Variants in WDR86 observed in about 807,000 individuals in gnomAD.
The protein encoded by WDR86 is WD repeat domain 86.
Under a neutral mutation model 36.5 loss-of-function variants are expected in WDR86, and 30 were observed. The observed-to-expected ratio is 0.82, with a 90% CI of 0.61 to 1.11. WDR86 has a LOEUF of 1.11. WDR86 is among the 50% of genes most tolerant of loss of function. The pLI, the probability that WDR86 is intolerant of heterozygous loss-of-function variation, is 0.00. For missense variants in WDR86, 545 were observed against 561.2 expected (o/e 0.97, Z 0.29); for synonymous variants, 255 against 252.9 (o/e 1.01, Z -0.08).
Position 151,388,480 on chromosome 7 carries a change from GC to G in WDR86, c.727-3258del, listed in dbSNP as rs1799151315. Among the ~76,000 whole-genome samples the G allele has an allele frequency of 6.6e-6, 1 of 152,126 alleles. No individual in the cohort carries two copies. Among genetic ancestry groups the G allele is most frequent in the Non-Finnish European group, 1.5e-5 (1 of 68,014 alleles). ...AGCGCAGGGCCACCACAGACAGGGT[GC>G]CCCCTGGCTTTTTGACCTTGGGTTT... is the stretch of plus-strand genomic sequence containing the variant. On this transcript the variant is annotated intron_variant, in intron 3 of 5. Coordinates refer to ENST00000334493, the MANE Select transcript of WDR86 (RefSeq NM_198285.3). The surrounding 1 kb of genome is among the most constrained non-coding windows in gnomAD (Gnocchi z 4.2).
rs2150755872 is a variant in WDR86 at position 151,385,158 on chromosome 7, T to C, written c.792A>G (p.Thr264=). ...DRTVKCWLAD[T]GECVRTFTAH... ...CCGTGAACGTGCGCACACACTCCCC[T>C]GTGTCTGCCAGCCAGCACTTGACGG... The change falls in exon 4 of 6, where the codon ACA becomes ACG. Residue 264 remains threonine, a synonymous_variant. Coordinates refer to ENST00000334493, the MANE Select transcript of WDR86 (RefSeq NM_198285.3). The C allele has an allele frequency of 6.2e-7, 1 of 1,613,136 alleles. No individual in the cohort carries two copies. The highest frequency in any genetic ancestry group is 8.5e-7 in the Non-Finnish European group (1 of 1,179,842).
At chr7:151,383,009 GGGT>G (rs1798713755) in intron 4 of WDR86, among the ~76,000 whole-genome samples, 1 of 150,872 alleles carries the variant, frequency 6.6e-6, no homozygotes, top group Non-Finnish European at 1.5e-5. Flanking sequence ...CAGGGAGACA[GGGT>G]CTCACTCTGT....
At chr7:151,387,206 C>T (rs1428656109) in intron 3 of WDR86, among the ~76,000 whole-genome samples, 5 of 152,192 alleles carry the variant, frequency 3.3e-5, no homozygotes, top group Admixed American at 3.3e-4. Context: ...TGCAGCCCCA[C>T]ACCTCTGTGC....
intron 3 of WDR86, among the ~76,000 whole-genome samples, chr7:151,392,194 T>C (rs1020303597): frequency 9.9e-5 from 15 of 152,014 alleles, no homozygotes; most frequent in Non-Finnish European, 2.1e-4. Flanking sequence ...GCCCCCAGCC[T>C]ATGCTGCAGC....
Position 151,390,098 on chromosome 7 carries a change from C to T in WDR86, c.727-4875G>A, listed in dbSNP as rs929908894. Among the ~76,000 whole-genome samples the T allele has an allele frequency of 1.3e-5, 2 of 152,124 alleles. No individual in the cohort carries two copies. The highest frequency in any genetic ancestry group is 2.4e-5 in the African/African-American group (1 of 41,412). On this transcript the variant is annotated intron_variant, in intron 3 of 5. Transcript: ENST00000334493. The surrounding 1 kb of genome is among the most constrained non-coding windows in gnomAD (Gnocchi z 4.5). The stretch of plus-strand genomic sequence containing the variant: ...CCAAAAGGATCCAAATGCAAGAGAG[C>T]GTGGGGTGTAATGGCCAGCCCTGGT...
At chr7:151,402,070 A>AAAAAAAAAAGATATATATATATAT in intron 1 of WDR86, among the ~76,000 whole-genome samples, 1 of 50,558 alleles carries the variant, frequency 2.0e-5, no homozygotes, top group African/African-American at 1.2e-4. Context: ...AAAAAAAAAA[A>AAAAAAAAAAGATATATATATATAT]ATATATATAT....
downstream of WDR86, among the ~76,000 whole-genome samples, chr7:151,380,580 A>G (rs1369534917): frequency 6.6e-6 from 1 of 152,030 alleles, no homozygotes; most frequent in Admixed American, 6.5e-5. Context: ...AAGGGACTGA[A>G]GAGCACCCCG....
intron 1 of WDR86, among the ~76,000 whole-genome samples, chr7:151,400,675 G>A (rs62490304): frequency 0.026 from 4,015 of 152,308 alleles, 80 homozygotes; most frequent in Middle Eastern, 0.058. Flanking sequence ...GAGCCACTGC[G>A]CCCAGCCCTC....
intron 4 of WDR86, among the ~76,000 whole-genome samples, chr7:151,383,183 G>C (rs367794551): frequency 6.0e-5 from 9 of 150,354 alleles, no homozygotes; most frequent in South Asian, 2.2e-4. Context: ...CGGGGTGGGG[G>C]GGGGGAGCTG....
chr7:151,389,306 C>T (rs960749524), intron 3 of WDR86, among the ~76,000 whole-genome samples: 6 of 151,948 alleles, frequency 3.9e-5, no homozygotes, highest in Admixed American at 6.6e-5. Flanking sequence ...CAGGACTCTG[C>T]GAAACTGCAC....
At chr7:151,407,093 A>G (rs1800760586) in intron 1 of WDR86, among the ~76,000 whole-genome samples, 1 of 152,206 alleles carries the variant, frequency 6.6e-6, no homozygotes, top group African/African-American at 2.4e-5. Flanking sequence ...CCGTCCTTGA[A>G]AATTCCTGAA....
In WDR86 at chr7:151,393,973, C is replaced by T. The variant is rs11984401; in HGVS notation, c.726+1803G>A. Among the ~76,000 whole-genome samples, 1,483 of 152,268 alleles carry T rather than the reference C, an allele frequency of 9.7e-3. 36 individuals carry two copies. The highest frequency in any genetic ancestry group is 0.033 in the African/African-American group (1,381 of 41,544). On this transcript the variant is annotated intron_variant, in intron 3 of 5. Coordinates refer to ENST00000334493, the MANE Select transcript of WDR86 (RefSeq NM_198285.3). ...TTAAAAGGCACGCAAAAAACAGGTGCGAGCAGTGCACCCTGACCTTCCCTT... is the reference window on the plus strand; with the variant it reads ...TTAAAAGGCACGCAAAAAACAGGTGTGAGCAGTGCACCCTGACCTTCCCTT...
downstream of WDR86, among the ~76,000 whole-genome samples, chr7:151,380,351 T>A (rs886798438): frequency 6.6e-6 from 1 of 152,236 alleles, no homozygotes; most frequent in Non-Finnish European, 1.5e-5. Flanking sequence ...CCGTCTCTGA[T>A]GAAGTATCTT....
In WDR86 at chr7:151,409,043, CCA is replaced by C. The variant is rs1188132914; in HGVS notation, c.163+382_163+383del. On this transcript the variant is annotated intron_variant, in intron 1 of 5. Coordinates refer to ENST00000334493, the MANE Select transcript of WDR86 (RefSeq NM_198285.3). The surrounding 1 kb of genome is among the most constrained non-coding windows in gnomAD (Gnocchi z 5.2). ...AAGAGCACAATTGGCCACAAAGAGG[CCA>C]CAAGGCACCTAGAGACAAGGGAAGG... The C allele has an allele frequency of 2.0e-6, 1 of 501,126 alleles. No individual in the cohort carries two copies. The highest frequency in any genetic ancestry group is 1.5e-5 in the South Asian group (1 of 64,816). The allele number at this position is 501,126 out of a possible 1,614,324, so 31.0% of individuals were successfully genotyped here.
intron 3 of WDR86, among the ~76,000 whole-genome samples, chr7:151,387,408 G>A (rs1423612737): frequency 6.6e-6 from 1 of 152,170 alleles, no homozygotes; most frequent in Non-Finnish European, 1.5e-5. Flanking sequence ...AGCCACACAG[G>A]CCGAGGGGGC....
At chr7:151,396,543 G>T (rs1012297869) in intron 2 of WDR86, among the ~76,000 whole-genome samples, 1 of 147,380 alleles carries the variant, frequency 6.8e-6, no homozygotes, top group African/African-American at 2.7e-5. Flanking sequence ...GAAGCGGGTG[G>T]GGGGGAAGGT....
At position 151,381,918 on chromosome 7, in the gene WDR86, C is replaced by A. The variant is rs987309335; in HGVS notation, c.926G>T (p.Arg309Met). The part of the protein sequence containing the change: ...AFDAQSGELR[R>M]VFRGHTFIIN... ...GATGAATGTGTGGCCCCGGAACACC[C>A]TCCGCAGCTCTCCAGACTGCGCGTC... Residue 309 changes from arginine to methionine, a missense_variant, in exon 5 of 6, where the codon AGG becomes ATG. Transcript: ENST00000334493. The surrounding 1 kb of genome is among the most constrained non-coding windows in gnomAD (Gnocchi z 4.8). 2 of 1,610,362 alleles carry A rather than the reference C, an allele frequency of 1.2e-6. No homozygotes were observed. Among genetic ancestry groups the A allele is most frequent in the Admixed American group, 1.7e-5 (1 of 59,744 alleles).
At chr7:151,381,120 G>A, downstream of WDR86, 1 of 1,217,808 alleles carries the variant, frequency 8.2e-7, no homozygotes, top group Non-Finnish European at 1.0e-6. This position sits in a 1 kb window ranked among gnomAD's most constrained non-coding sequence, Gnocchi z 4.8. Flanking sequence ...GGACACAGGA[G>A]CACTTTTAAC....
intron 2 of WDR86, among the ~76,000 whole-genome samples, chr7:151,399,342 G>A (rs974739523): frequency 6.6e-6 from 1 of 152,000 alleles, no homozygotes; most frequent in Non-Finnish European, 1.5e-5. Flanking sequence ...GCATTCCTCT[G>A]GTGGGGTTCA....
Sources: gnomAD v4.1 joint callset for allele counts (sites outside exome capture counted in the v4.1 genomes callset) on GRCh38, gnomAD v4.1.1 for gene constraint, Gnocchi (gnomAD v3.1) non-coding constraint, MANE v1.5 for transcripts, NCBI Gene and HGNC (gene_info 2026-07-23, HGNC 2026-07-21) for gene names.